The following ZBTB20 variants were observed in gnomAD, a reference collection of about 807,000 sequenced individuals.
ZBTB20 encodes zinc finger and BTB domain-containing protein 20.
In ZBTB20, 9 loss-of-function variants were observed where a neutral mutation model predicts 56.9. The ratio of observed to expected loss-of-function variants is 0.16; its 90% CI spans 0.10 to 0.28. The LOEUF is 0.28. ZBTB20 is among the 10% of genes least tolerant of loss of function. ZBTB20 has a pLI of 1.00. For missense variants in ZBTB20, 655 were observed against 1,003.0 expected (o/e 0.65, Z 4.69); for synonymous variants, 417 against 420.7 (o/e 0.99, Z 0.11).
At chr3:114,484,786 TC>T (rs1027878576) in intron 7 of ZBTB20, among the ~76,000 whole-genome samples, 1 of 142,356 alleles carries the variant, frequency 7.0e-6, no homozygotes, top group African/African-American at 2.7e-5. Context: ...GGAGAAAAGC[TC>T]ATATCAATAG....
Position 114,921,230 on chromosome 3 carries a change from C to T in ZBTB20, c.-455-20888G>A, listed in dbSNP as rs1576329401. 3.9e-5 allele frequency among the ~76,000 whole-genome samples: 6 copies of T among 152,272 alleles called. 1 individual carries two copies. Among genetic ancestry groups the T allele is most frequent in the Admixed American group, 3.9e-4 (6 of 15,302 alleles). Reference sequence around the variant, plus strand: ...CTCCATCTCCTGAGTTCAAGTGATTCTCCTGCTTCAGCTTCCCAAGTAGCT... The same window carrying T: ...CTCCATCTCCTGAGTTCAAGTGATTTTCCTGCTTCAGCTTCCCAAGTAGCT... On this transcript the variant is annotated intron_variant, in intron 3 of 11. Coordinates refer to ENST00000675478, the MANE Select transcript of ZBTB20 (RefSeq NM_001348800.3).
intron 6 of ZBTB20, among the ~76,000 whole-genome samples, chr3:114,569,833 T>G (rs2053217721): frequency 2.0e-5 from 3 of 152,204 alleles, no homozygotes; most frequent in Admixed American, 2.0e-4. Flanking sequence ...GCACCATCTC[T>G]GTTGCACAGA....
chr3:114,871,493 C>T (rs1336029521), intron 4 of ZBTB20, among the ~76,000 whole-genome samples: 1 of 152,056 alleles, frequency 6.6e-6, no homozygotes, highest in African/African-American at 2.4e-5. Flanking sequence ...CCAGCTTAGG[C>T]TAAATGTGCT....
chr3:114,340,370 T>A (rs554956800), intron 11 of ZBTB20, among the ~76,000 whole-genome samples: 1 of 152,232 alleles, frequency 6.6e-6, no homozygotes, highest in Admixed American at 6.5e-5. Flanking sequence ...CCCACCCCCA[T>A]TAAATGCTTC....
intron 2 of ZBTB20, among the ~76,000 whole-genome samples, chr3:115,015,256 T>C (rs931334592): frequency 6.6e-6 from 1 of 151,808 alleles, no homozygotes; most frequent in Non-Finnish European, 1.5e-5. Context: ...AGAAACATAT[T>C]GTTTCATTCC....
chr3:114,541,801 T>C (rs1440815189), intron 6 of ZBTB20, among the ~76,000 whole-genome samples: 1 of 152,156 alleles, frequency 6.6e-6, no homozygotes, highest in East Asian at 1.9e-4. Context: ...CTGTTAATAC[T>C]ATTAATAGGA....
chr3:114,328,942 C>A lies in ZBTB20; in HGVS notation c.*10063G>T, dbSNP rs2079145724. ...TGATATAATTTGGATATTATGTGAT[C>A]ATTAGAGAAGAAACAGCCTCACTAA... On this transcript the variant is annotated 3_prime_UTR_variant, in exon 12 of 12. Transcript: ENST00000675478. The A allele has an allele frequency of 6.6e-6, 1 of 152,130 alleles. No individual in the cohort carries two copies. Among genetic ancestry groups the A allele is most frequent in the African/African-American group, 2.4e-5 (1 of 41,408 alleles). 9.4% of individuals were successfully genotyped at this position (152,130 alleles called of 1,614,324 possible).
At chr3:114,532,533 C>T (rs546343599) in intron 6 of ZBTB20, among the ~76,000 whole-genome samples, 1 of 152,286 alleles carries the variant, frequency 6.6e-6, no homozygotes, top group East Asian at 1.9e-4. Flanking sequence ...GACAGAGCAC[C>T]TGGGGGAAGG....
At chr3:114,454,349 A>T (rs2091869649) in intron 7 of ZBTB20, among the ~76,000 whole-genome samples, 1 of 151,860 alleles carries the variant, frequency 6.6e-6, no homozygotes, top group Non-Finnish European at 1.5e-5. Flanking sequence ...CCAGGGGTGC[A>T]CAAAGACAGG....
At chr3:114,889,398 G>A (rs189111347) in intron 4 of ZBTB20, among the ~76,000 whole-genome samples, 39 of 151,916 alleles carry the variant, frequency 2.6e-4, no homozygotes, top group African/African-American at 8.7e-4. Context: ...TCTAAAGGTG[G>A]GAACAAAAGG....
chr3:114,353,754 T>C (rs1704688507), intron 10 of ZBTB20, among the ~76,000 whole-genome samples: 1 of 152,202 alleles, frequency 6.6e-6, no homozygotes, highest in Non-Finnish European at 1.5e-5. Flanking sequence ...TTTTTAGGGG[T>C]TACAGTTCTA....
At chr3:114,645,083 C>T (rs1221870356) in intron 6 of ZBTB20, among the ~76,000 whole-genome samples, 2 of 151,792 alleles carry the variant, frequency 1.3e-5, no homozygotes, top group East Asian at 3.9e-4. Flanking sequence ...CCACGATGTT[C>T]GTTGAACTAT....
Position 114,795,597 on chromosome 3 carries a change from C to T in ZBTB20, c.-343+5504G>A, listed in dbSNP as rs117319127. On this transcript the variant is annotated intron_variant, in intron 5 of 11. Transcript: ENST00000675478. ...CACCTGGCTGATATTATTTTCTGTC[C>T]TTCAATGTTCAAATCAAAGGACACT... Among the ~76,000 whole-genome samples, 65 of 152,122 alleles carry T rather than the reference C, an allele frequency of 4.3e-4. No homozygotes were observed. In the East Asian group the frequency reaches 0.012, roughly 28 times the overall value.
intron 5 of ZBTB20, among the ~76,000 whole-genome samples, chr3:114,726,139 G>A (rs1211901201): frequency 6.6e-6 from 1 of 152,214 alleles, no homozygotes; most frequent in African/African-American, 2.4e-5. Context: ...TGGCATGACT[G>A]GTAAGGGTTT....
chr3:114,374,148 A>G (rs1363064101), intron 10 of ZBTB20, among the ~76,000 whole-genome samples: 1 of 152,210 alleles, frequency 6.6e-6, no homozygotes, highest in Non-Finnish European at 1.5e-5. Flanking sequence ...TCAATTAACT[A>G]AGAGGCAGAA....
chr3:114,631,379 A>ATTT (rs1479430066), intron 6 of ZBTB20, among the ~76,000 whole-genome samples: 70 of 22,364 alleles, frequency 3.1e-3, no homozygotes, highest in Non-Finnish European at 4.7e-3. Context: ...TAAATAGGTT[A>ATTT]TTCTTTTTTT....
intron 6 of ZBTB20, among the ~76,000 whole-genome samples, chr3:114,651,448 C>T (rs1235637090): frequency 6.7e-6 from 1 of 149,302 alleles, no homozygotes; most frequent in Non-Finnish European, 1.5e-5. Context: ...TGAAATCTTG[C>T]TTATTTTCAG....
intron 4 of ZBTB20, among the ~76,000 whole-genome samples, chr3:114,859,029 T>C (rs2075370219): frequency 6.6e-6 from 1 of 152,180 alleles, no homozygotes; most frequent in Admixed American, 6.5e-5. Context: ...TTGCATTTAG[T>C]TAATGCATCT....
intron 7 of ZBTB20, among the ~76,000 whole-genome samples, chr3:114,402,566 T>C (rs2086914542): frequency 6.6e-6 from 1 of 152,092 alleles, no homozygotes; most frequent in Non-Finnish European, 1.5e-5. Context: ...CTCACAAATA[T>C]CCAAGCACAG....
Sources: allele counts gnomAD v4.1 joint callset (sites outside exome capture counted in the v4.1 genomes callset), GRCh38; gene constraint gnomAD v4.1.1; transcripts MANE v1.5; gene names NCBI Gene and HGNC (gene_info 2026-07-23, HGNC 2026-07-21).